SOWAHB: variants seen among roughly 807,000 people sequenced by gnomAD.
SOWAHB encodes ankyrin repeat domain-containing protein SOWAHB.
SOWAHB carries 17 observed loss-of-function variants against 18.3 expected under a neutral mutation model. The observed-to-expected ratio is 0.93, with a 90% CI of 0.64 to 1.40. The LOEUF is 1.40. Among genes scored for constraint, SOWAHB ranks in the 40% most tolerant of loss-of-function variants. The pLI, the probability that SOWAHB is intolerant of heterozygous loss-of-function variation, is 0.00. For missense variants in SOWAHB, 1,126 were observed against 1,033.7 expected (o/e 1.09, Z -1.22); for synonymous variants, 496 against 448.1 (o/e 1.11, Z -1.35).
rs1473327655 is a variant in SOWAHB at position 76,894,608 on chromosome 4, C to G, written c.*860G>C. On this transcript the variant is annotated 3_prime_UTR_variant, in exon 1 of 1. Coordinates refer to ENST00000334306, the MANE Select transcript of SOWAHB (RefSeq NM_001029870.3). ...GTACAAACGTTGGCCATTCAAACCT[C>G]TGAAAACTAGTAACGATAATTCTGT... Among the ~76,000 whole-genome samples, 1 of 152,196 alleles carries G rather than the reference C, an allele frequency of 6.6e-6. No individual in the cohort carries two copies.
Position 76,897,581 on chromosome 4 carries a change from C to T in SOWAHB, c.269G>A (p.Arg90His), listed in dbSNP as rs757620546. 2 of 1,602,652 alleles carry T rather than the reference C, an allele frequency of 1.2e-6. No homozygotes were observed. Among genetic ancestry groups the T allele is most frequent in the East Asian group, 2.2e-5 (1 of 44,532 alleles). The change falls in exon 1 of 1, where the codon CGC becomes CAC. Residue 90 changes from arginine (R) to histidine (H), a missense_variant. Coordinates refer to ENST00000334306, the MANE Select transcript of SOWAHB (RefSeq NM_001029870.3). This position sits in a 1 kb window ranked among gnomAD's most constrained non-coding sequence, Gnocchi z 6.4. ...ACTGGGGGCGGCCGCGGGCGGCTCG[C>T]GGGGTCGCTGCAGCCCCTCCTCCCC... The part of the protein sequence containing the change: ...LLGEEGLQRP[R>H]EPPAAAPSAG...
In SOWAHB at chr4:76,896,365, G is replaced by A. The variant is rs543874741; in HGVS notation, c.1485C>T (p.Ser495=). Residue 495 remains serine, a synonymous_variant, in exon 1 of 1, where the codon TCC becomes TCT. Transcript: ENST00000334306. ...LPWPVPKLRR[S]LRRSSLAGRA... ...TCCCTGCCAGAGAGCTCCTCCTGAG[G>A]GACCTCCTTAACTTAGGAACTGGCC... The A allele has an allele frequency of 2.6e-5, 41 of 1,599,026 alleles. No individual in the cohort carries two copies. The highest frequency in any genetic ancestry group is 3.3e-5 in the Non-Finnish European group (39 of 1,171,118).
chr4:76,897,893 C>A lies in SOWAHB; in HGVS notation c.-44G>T. ...CCCAGAGGTGTCTGAGTCTCGCCCT[C>A]CCGGGGCTCTCCCCAGCCAGAGGAA... is the stretch of plus-strand genomic sequence containing the variant. On this transcript the variant is annotated 5_prime_UTR_variant, in exon 1 of 1. The change creates a premature stop within an existing upstream ORF in the 5' untranslated region. Coordinates refer to ENST00000334306, the MANE Select transcript of SOWAHB (RefSeq NM_001029870.3). The surrounding 1 kb of genome is among the most constrained non-coding windows in gnomAD (Gnocchi z 6.4). 6.5e-7 allele frequency: 1 copy of A among 1,537,038 alleles called. No individual in the cohort carries two copies. The highest frequency in any genetic ancestry group is 2.4e-5 in the East Asian group (1 of 41,574).
Position 76,896,165 on chromosome 4 carries a change from C to A in SOWAHB, c.1685G>T (p.Gly562Val). The A allele has an allele frequency of 6.4e-7, 1 of 1,556,188 alleles. No homozygotes were observed. Residue 562 changes from glycine to valine, a missense_variant, in exon 1 of 1, where the codon GGT (glycine) becomes GTT (valine). By Grantham distance (109) the Gly-to-Val change is moderately radical. Coordinates refer to ENST00000334306, the MANE Select transcript of SOWAHB (RefSeq NM_001029870.3). ...AEVKAVVAER[G>V]WRHSLWVPSG... is the part of the protein sequence containing the mutation. ...GGGGACCCACAGGCTGTGTCGCCAA[C>A]CCCGCTCGGCCACAACAGCCTTAAC...
Position 76,896,916 on chromosome 4 carries a change from T to A in SOWAHB, c.934A>T (p.Arg312Trp). 6.2e-7 allele frequency: 1 copy of A among 1,611,534 alleles called. No homozygotes were observed. ...QQQRTREWVA[R>W]HPQVPEARDQ... ...CGGGCCTCGGGCACCTGCGGGTGCC[T>A]GGCCACCCACTCTCGAGTGCGCTGC... is the stretch of plus-strand genomic sequence containing the variant. The change falls in exon 1 of 1, where the codon AGG becomes TGG. Residue 312 changes from arginine to tryptophan, a missense_variant. Transcript: ENST00000334306.
Position 76,897,283 on chromosome 4 carries a change from C to G in SOWAHB, c.567G>C (p.Ala189=), listed in dbSNP as rs1719949479. 1 of 1,546,880 alleles carries G rather than the reference C, an allele frequency of 6.5e-7. No homozygotes were observed. The highest frequency in any genetic ancestry group is 1.4e-5 in the African/African-American group (1 of 73,572). ...AGAQARASCA[A]AKTQGRCCWE... ...AGCAGCAGCGGCCCTGCGTCTTCGC[C>G]GCCGCGCAGCTCGCTCTCGCCTGGG... Residue 189 remains alanine, a synonymous_variant, in exon 1 of 1, where the codon GCG becomes GCC. Transcript: ENST00000334306. The surrounding 1 kb of genome is among the most constrained non-coding windows in gnomAD (Gnocchi z 6.4).
At position 76,897,080 on chromosome 4, in the gene SOWAHB, T is replaced by A; in HGVS notation, c.770A>T (p.His257Leu). 3 of 1,537,436 alleles carry A rather than the reference T, an allele frequency of 2.0e-6. No homozygotes were observed. Among genetic ancestry groups the A allele is most frequent in the Non-Finnish European group, 2.6e-6 (3 of 1,147,784 alleles). ...AEPAPVPAVA[H>L]SPPATVEAAT... is the part of the protein sequence containing the mutation. ...AGCCTCGACGGTGGCGGGAGGCGAG[T>A]GAGCCACTGCAGGCACAGGCGCCGG... The change falls in exon 1 of 1, where the codon CAC becomes CTC. Residue 257 changes from histidine (H) to leucine (L), a missense_variant. Transcript: ENST00000334306. This position sits in a 1 kb window ranked among gnomAD's most constrained non-coding sequence, Gnocchi z 6.4.
rs1339335981 is a variant in SOWAHB, at chr4:76,896,772, A to G, written c.1078T>C (p.Ser360Pro). 2 of 1,613,776 alleles carry G rather than the reference A, an allele frequency of 1.2e-6. No homozygotes were observed. The highest frequency in any genetic ancestry group is 1.3e-5 in the African/African-American group (1 of 74,910). ...TCATCCGGAACAACAGGAAAGAGAG[A>G]GTGCGAGGAAAGACAGGGGTCTGGC... ...EPPDPCLSSH[S>P]LFPVVPDESW... Residue 360 changes from serine to proline, a missense_variant, in exon 1 of 1, where the codon TCT becomes CCT. Coordinates refer to ENST00000334306, the MANE Select transcript of SOWAHB (RefSeq NM_001029870.3).
Position 76,896,753 on chromosome 4 carries a change from G to A in SOWAHB, c.1097C>T (p.Pro366Leu), listed in dbSNP as rs774599059. ...CGCCCAGGATTCCCAGGACTCATCC[G>A]GAACAACAGGAAAGAGAGAGTGCGA... ...LSSHSLFPVV[P>L]DESWESWAGN... The change falls in exon 1 of 1, where the codon CCG becomes CTG. Residue 366 changes from proline to leucine, a missense_variant. Transcript: ENST00000334306. 4 of 1,613,760 alleles carry A rather than the reference G, an allele frequency of 2.5e-6. No homozygotes were observed. Among genetic ancestry groups the A allele is most frequent in the Non-Finnish European group, 3.4e-6 (4 of 1,180,028 alleles).
rs186222809 is a variant in SOWAHB, at chr4:76,894,591, G to T, written c.*877C>A. Reference sequence around the variant, plus strand: ...TTTCTCTCTTTTTATGAGTACAAACGTTGGCCATTCAAACCTCTGAAAACT... The same window carrying T: ...TTTCTCTCTTTTTATGAGTACAAACTTTGGCCATTCAAACCTCTGAAAACT... On this transcript the variant is annotated 3_prime_UTR_variant, in exon 1 of 1. Transcript: ENST00000334306. 6.6e-6 allele frequency among the ~76,000 whole-genome samples: 1 copy of T among 152,110 alleles called. No individual in the cohort carries two copies. The highest frequency in any genetic ancestry group is 1.9e-4 in the East Asian group (1 of 5,192).
Position 76,896,997 on chromosome 4 carries a change from G to C in SOWAHB, c.853C>G (p.Arg285Gly). 2 of 1,570,956 alleles carry C rather than the reference G, an allele frequency of 1.3e-6. No individual in the cohort carries two copies. Among genetic ancestry groups the C allele is most frequent in the Non-Finnish European group, 1.7e-6 (2 of 1,163,694 alleles). The change falls in exon 1 of 1, where the codon CGG becomes GGG. Residue 285 changes from arginine (R) to glycine (G), a missense_variant. Transcript: ENST00000334306. ...GAGCTGGGGGTCAGCAGCTCCGGCC[G>C]GTCTCCGCGGGGAGCGGGGCCGGGC... is the stretch of plus-strand genomic sequence containing the variant. ...LLPGPAPRGD[R>G]PELLTPSSLH...
rs1344505516 is a variant in SOWAHB, at chr4:76,895,943, T to C, written c.1907A>G (p.His636Arg). 6.2e-7 allele frequency: 1 copy of C among 1,614,036 alleles called. No individual in the cohort carries two copies. Among genetic ancestry groups the C allele is most frequent in the Non-Finnish European group, 8.5e-7 (1 of 1,180,040 alleles). Residue 636 changes from histidine to arginine, a missense_variant, in exon 1 of 1, where the codon CAC becomes CGC. Transcript: ENST00000334306. Reference protein sequence around the residue: ...KDFLTGYTALHWIAKHGDLRA... With the variant: ...KDFLTGYTALRWIAKHGDLRA... ...GAGGTCACCATGTTTGGCTATCCAG[T>C]GCAACGCAGTGTACCCAGTCAAAAA...
Position 76,897,536 on chromosome 4 carries a change from C to T in SOWAHB, c.314G>A (p.Cys105Tyr). ...AAPSAGGAAP[C>Y]SPRGARRGEP... is the part of the protein sequence containing the mutation. ...CCCCCGGCGCGCGCCTCGCGGGGAGCAGGGCGCAGCTCCCCCTGCACTGGG... is the reference window on the plus strand; with the variant it reads ...CCCCCGGCGCGCGCCTCGCGGGGAGTAGGGCGCAGCTCCCCCTGCACTGGG... The change falls in exon 1 of 1, where the codon TGC becomes TAC. Residue 105 changes from cysteine (C) to tyrosine (Y), a missense_variant. Physicochemically the swap from Cys to Tyr is radical, Grantham distance 194. Coordinates refer to ENST00000334306, the MANE Select transcript of SOWAHB (RefSeq NM_001029870.3). This position sits in a 1 kb window ranked among gnomAD's most constrained non-coding sequence, Gnocchi z 6.4. The T allele has an allele frequency of 6.9e-7, 1 of 1,458,302 alleles. No homozygotes were observed. Among genetic ancestry groups the T allele is most frequent in the Non-Finnish European group, 9.0e-7 (1 of 1,116,146 alleles). The allele number at this position is 1,458,302 out of a possible 1,614,324, so 90.3% of individuals were successfully genotyped here. A position where few individuals can be genotyped will look rare whatever the true frequency, so the allele number is the denominator to read the frequency against.
In SOWAHB at chr4:76,896,898, C is replaced by T. The variant is rs891333401; in HGVS notation, c.952G>A (p.Glu318Lys). ...EWVARHPQVP[E>K]ARDQGPIRAW... ...CGGATAGGGCCCTGATCACGGGCCT[C>T]GGGCACCTGCGGGTGCCTGGCCACC... is the stretch of plus-strand genomic sequence containing the variant. Residue 318 changes from glutamate (E) to lysine (K), a missense_variant, in exon 1 of 1, where the codon GAG (glutamate) becomes AAG (lysine). By Grantham distance (56) the Glu-to-Lys change is moderately conservative. Transcript: ENST00000334306. 3 of 1,611,998 alleles carry T rather than the reference C, an allele frequency of 1.9e-6. No individual in the cohort carries two copies. Among genetic ancestry groups the T allele is most frequent in the Admixed American group, 3.3e-5 (2 of 59,990 alleles).
rs1163844971 is a variant in SOWAHB, at chr4:76,898,108, C to T, written c.-259G>A. Reference sequence around the variant, plus strand: ...CGGCTCCGAGGCCGCCCCTGCGCGACTCTAGCCTCTCGCAACGAGTCCTCA... The same window carrying T: ...CGGCTCCGAGGCCGCCCCTGCGCGATTCTAGCCTCTCGCAACGAGTCCTCA... On this transcript the variant is annotated 5_prime_UTR_variant, in exon 1 of 1. Coordinates refer to ENST00000334306, the MANE Select transcript of SOWAHB (RefSeq NM_001029870.3). 5.3e-5 allele frequency: 25 copies of T among 470,044 alleles called. No homozygotes were observed. The highest frequency in any genetic ancestry group is 1.2e-4 in the Admixed American group (3 of 24,480). The allele number at this position is 470,044 out of a possible 1,614,324, so 29.1% of individuals were successfully genotyped here.
rs1019246257 is a variant in SOWAHB at position 76,897,966 on chromosome 4, C to G, written c.-117G>C. 9 of 1,130,060 alleles carry G rather than the reference C, an allele frequency of 8.0e-6. No homozygotes were observed. The highest frequency in any genetic ancestry group is 4.9e-5 in the South Asian group (3 of 61,678). The allele number at this position is 1,130,060 out of a possible 1,614,324, so 70.0% of individuals were successfully genotyped here. A position where few individuals can be genotyped will look rare whatever the true frequency, so the allele number is the denominator to read the frequency against. On this transcript the variant is annotated 5_prime_UTR_variant, in exon 1 of 1. Coordinates refer to ENST00000334306, the MANE Select transcript of SOWAHB (RefSeq NM_001029870.3). The surrounding 1 kb of genome is among the most constrained non-coding windows in gnomAD (Gnocchi z 6.4). ...CTGCGCCCGGGGCGGCACTAGCCGC[C>G]CCCATCAGCCGCGGAGGCCAGCGCT... is the stretch of plus-strand genomic sequence containing the variant.
chr4:76,897,874 G>A lies in SOWAHB; in HGVS notation c.-25C>T, dbSNP rs1719974268. The A allele has an allele frequency of 1.3e-6, 2 of 1,577,464 alleles. No individual in the cohort carries two copies. Among genetic ancestry groups the A allele is most frequent in the East Asian group, 2.3e-5 (1 of 43,682 alleles). On this transcript the variant is annotated 5_prime_UTR_variant, in exon 1 of 1. Transcript: ENST00000334306. This position sits in a 1 kb window ranked among gnomAD's most constrained non-coding sequence, Gnocchi z 6.4. Reference sequence around the variant, plus strand: ...TCGCTGCCTTGTCCTCCGCCCCAGAGGTGTCTGAGTCTCGCCCTCCCGGGG... The same window carrying A: ...TCGCTGCCTTGTCCTCCGCCCCAGAAGTGTCTGAGTCTCGCCCTCCCGGGG...
At position 76,895,034 on chromosome 4, in the gene SOWAHB, A is replaced by G. The variant is rs1719876642; in HGVS notation, c.*434T>C. On this transcript the variant is annotated 3_prime_UTR_variant, in exon 1 of 1. Coordinates refer to ENST00000334306, the MANE Select transcript of SOWAHB (RefSeq NM_001029870.3). ...CACTGTCAGCCAAGATTTATTCTTC[A>G]AATGAACAGAAGCCAGAGAGCTACT... 6.5e-6 allele frequency: 1 copy of G among 154,970 alleles called. No homozygotes were observed. Among genetic ancestry groups the G allele is most frequent in the African/African-American group, 2.4e-5 (1 of 41,574 alleles). The allele number at this position is 154,970 out of a possible 1,614,324, so 9.6% of individuals were successfully genotyped here.
In SOWAHB at chr4:76,898,040, G is replaced by A; in HGVS notation, c.-191C>T. The A allele has an allele frequency of 1.7e-6, 1 of 593,652 alleles. No homozygotes were observed. The highest frequency in any genetic ancestry group is 2.9e-6 in the Non-Finnish European group (1 of 347,848). 36.8% of individuals were successfully genotyped at this position (593,652 alleles called of 1,614,324 possible). ...GGAGGGCCGTGGGTCCCCTCCGGGT[G>A]GCCCCAAGGCTGAGTCCCCGCGGCA... On this transcript the variant is annotated 5_prime_UTR_variant, in exon 1 of 1. Coordinates refer to ENST00000334306, the MANE Select transcript of SOWAHB (RefSeq NM_001029870.3).
Sources: gnomAD v4.1 joint callset for allele counts (sites outside exome capture counted in the v4.1 genomes callset) on GRCh38, gnomAD v4.1.1 for gene constraint, Gnocchi (gnomAD v3.1) non-coding constraint, MANE v1.5 for transcripts, NCBI Gene and HGNC (gene_info 2026-07-23, HGNC 2026-07-21) for gene names.